RAB3C: variants seen among roughly 807,000 people sequenced by gnomAD.
RAB3C encodes RAB3C, member RAS oncogene family, also known as ras-related protein Rab-3C.
Under a neutral mutation model 26.4 loss-of-function variants are expected in RAB3C, and 17 were observed. The observed-to-expected ratio is 0.64, with a 90% confidence interval of 0.44 to 0.97. The LOEUF (loss-of-function observed/expected upper bound fraction) is 0.97, where lower values mean the gene tolerates loss of function less well. RAB3C is among the 50% of genes least tolerant of loss of function. RAB3C has a pLI of 0.00. For missense variants in RAB3C, 242 were observed against 281.9 expected (o/e 0.86, Z 1.01); for synonymous variants, 91 against 95.9 (o/e 0.95, Z 0.30).
At chr5:58,721,774 G>A (rs2111913578) in intron 2 of RAB3C, among the ~76,000 whole-genome samples, 1 of 151,676 alleles carries the variant, frequency 6.6e-6, no homozygotes, top group South Asian at 2.1e-4. Context: ...TTCTCATTTT[G>A]TTTCTTACTA....
In RAB3C at chr5:58,855,647, C is replaced by T. The variant is rs957958758; in HGVS notation, c.*4296C>T. On this transcript the variant is annotated 3_prime_UTR_variant, in exon 5 of 5. Transcript: ENST00000282878. ...GTGAAGTCTTTCTGATATGCTGAAC[C>T]TTTGAGCCAGCTTTTGGGAGTTCTT... 13 of 152,184 alleles carry T rather than the reference C, an allele frequency of 8.5e-5. No individual in the cohort carries two copies. The highest frequency in any genetic ancestry group is 2.7e-4 in the African/African-American group (11 of 41,444). The allele number at this position is 152,184 out of a possible 1,614,324, so 9.4% of individuals were successfully genotyped here.
At chr5:58,739,068 T>C (rs986148432) in intron 3 of RAB3C, among the ~76,000 whole-genome samples, 3 of 152,226 alleles carry the variant, frequency 2.0e-5, no homozygotes, top group African/African-American at 7.2e-5. Flanking sequence ...TTGTTGATTA[T>C]TCTGTTTAGA....
chr5:58,774,011 A>G (rs1742076796), intron 3 of RAB3C, among the ~76,000 whole-genome samples: 1 of 151,904 alleles, frequency 6.6e-6, no homozygotes, highest in Non-Finnish European at 1.5e-5. Context: ...TCCAAACTCT[A>G]CACTCTTCAC....
chr5:58,806,930 A>G (rs1405722390), intron 3 of RAB3C, among the ~76,000 whole-genome samples: 4 of 152,160 alleles, frequency 2.6e-5, no homozygotes, highest in African/African-American at 2.4e-5. Flanking sequence ...CCCATATGCC[A>G]GTGTCAAAGG....
intron 2 of RAB3C, among the ~76,000 whole-genome samples, chr5:58,634,875 C>A (rs1747256249): frequency 6.6e-6 from 1 of 152,092 alleles, no homozygotes; most frequent in East Asian, 1.9e-4. Context: ...GGTTGCTGAT[C>A]CTCTTCGCAG....
At chr5:58,846,733 G>A (rs2457129) in intron 4 of RAB3C, among the ~76,000 whole-genome samples, 76,215 of 151,392 alleles carry the variant, frequency 0.5, 19,498 homozygotes, top group Middle Eastern at 0.68. Context: ...AAGTCAGGGT[G>A]TAGAATCACA....
At chr5:58,695,766 T>A (rs1294767002) in intron 2 of RAB3C, among the ~76,000 whole-genome samples, 1 of 152,204 alleles carries the variant, frequency 6.6e-6, no homozygotes, top group Non-Finnish European at 1.5e-5. Context: ...TTTTTGCACA[T>A]TGATTTTGTA....
chr5:58,649,450 C>G (rs1043466073), intron 2 of RAB3C, among the ~76,000 whole-genome samples: 1 of 151,960 alleles, frequency 6.6e-6, no homozygotes, highest in African/African-American at 2.4e-5. Flanking sequence ...TGGTACCTTC[C>G]TGAAGTGCTT....
intron 2 of RAB3C, among the ~76,000 whole-genome samples, chr5:58,714,767 A>G (rs1749133848): frequency 6.6e-6 from 1 of 152,016 alleles, no homozygotes; most frequent in African/African-American, 2.4e-5. Flanking sequence ...ATAACTTCCA[A>G]ATTAATAAAG....
intron 2 of RAB3C, among the ~76,000 whole-genome samples, chr5:58,683,680 C>T (rs1211992889): frequency 2.0e-5 from 3 of 152,182 alleles, no homozygotes; most frequent in Non-Finnish European, 4.4e-5. Context: ...TTTAAAATTG[C>T]ATCCCATTCT....
At chr5:58,584,366 A>G (rs1460186408) in intron 1 of RAB3C, among the ~76,000 whole-genome samples, 1 of 152,226 alleles carries the variant, frequency 6.6e-6, no homozygotes, top group African/African-American at 2.4e-5. Context: ...GGGTGATTAT[A>G]TAAGGGAAGT....
chr5:58,809,272 A>G (rs1425381300), intron 3 of RAB3C, among the ~76,000 whole-genome samples: 4 of 152,180 alleles, frequency 2.6e-5, no homozygotes, highest in Non-Finnish European at 2.9e-5. Flanking sequence ...GTCTCTGGAA[A>G]AGGTACTTTT....
At chr5:58,633,997 C>T (rs894672734) in intron 2 of RAB3C, among the ~76,000 whole-genome samples, 18 of 151,658 alleles carry the variant, frequency 1.2e-4, no homozygotes, top group African/African-American at 4.4e-4. Flanking sequence ...AAAAATTAGC[C>T]GGGCATGGTG....
intron 2 of RAB3C, among the ~76,000 whole-genome samples, chr5:58,621,727 C>A (rs1387823884): frequency 6.6e-6 from 1 of 152,118 alleles, no homozygotes; most frequent in Non-Finnish European, 1.5e-5. Context: ...AGGTGTGTGC[C>A]AGCACACCTG....
chr5:58,615,985 GAC>G (rs58004467), intron 1 of RAB3C, among the ~76,000 whole-genome samples: 8,027 of 149,576 alleles, frequency 0.054, 275 homozygotes, highest in African/African-American at 0.1. Flanking sequence ...CACACACACA[GAC>G]ACACACACAC....
intron 2 of RAB3C, among the ~76,000 whole-genome samples, chr5:58,684,488 G>A (rs58662773): frequency 0.21 from 31,539 of 152,070 alleles, 3,335 homozygotes; most frequent in East Asian, 0.33. Flanking sequence ...AGGCTATCAG[G>A]CCAAGTAAGT....
chr5:58,689,835 A>G (rs1748526184), intron 2 of RAB3C, among the ~76,000 whole-genome samples: 3 of 152,164 alleles, frequency 2.0e-5, no homozygotes, highest in Non-Finnish European at 4.4e-5. Context: ...TCAGATGACT[A>G]TTAAAGTACA....
chr5:58,703,454 T>G (rs1748887785), intron 2 of RAB3C, among the ~76,000 whole-genome samples: 1 of 152,330 alleles, frequency 6.6e-6, no homozygotes, highest in South Asian at 2.1e-4. Context: ...AGCGCTGGAA[T>G]TACAGGCATG....
intron 4 of RAB3C, among the ~76,000 whole-genome samples, chr5:58,839,352 T>A (rs1272999216): frequency 6.8e-6 from 1 of 147,548 alleles, no homozygotes. Context: ...GTTTTTATTT[T>A]ATTTATTTAT....
Sources: allele counts gnomAD v4.1 joint callset (sites outside exome capture counted in the v4.1 genomes callset), GRCh38; gene constraint gnomAD v4.1.1; transcripts MANE v1.5; gene names NCBI Gene and HGNC (gene_info 2026-07-23, HGNC 2026-07-21).